The following CFAP61 variants were observed in gnomAD, a reference collection of about 807,000 sequenced individuals.
The protein encoded by CFAP61 is cilia and flagella associated protein 61.
In CFAP61, 107 loss-of-function variants were observed where a neutral mutation model predicts 135.6. That is an observed-to-expected ratio of 0.79 (90% CI 0.67 to 0.93). The LOEUF (loss-of-function observed/expected upper bound fraction) is 0.93, where lower values mean the gene tolerates loss of function less well. CFAP61 is among the 40% of genes least tolerant of loss of function. The pLI is 0.00. For synonymous variants in CFAP61, 575 were observed against 578.5 expected, an observed-to-expected ratio of 0.99 and a Z score of 0.09; for missense variants, 1,507 against 1,556.2, an observed-to-expected ratio of 0.97 and a Z score of 0.53.
At chr20:20,222,561 G>A (rs1337151058) in intron 17 of CFAP61, among the ~76,000 whole-genome samples, 1 of 152,172 alleles carries the variant, frequency 6.6e-6, no homozygotes, top group African/African-American at 2.4e-5. Context: ...GGAAAGTTAA[G>A]TGAATCCTTC....
In CFAP61 at chr20:20,358,034, TGAG is replaced by T. The variant is rs549657218; in HGVS notation, c.3514-2172_3514-2170del. 1.1e-3 allele frequency among the ~76,000 whole-genome samples: 154 copies of T among 139,570 alleles called. 2 individuals are homozygous for T. Among genetic ancestry groups the T allele is most frequent in the Admixed American group, 0.01 (142 of 13,664 alleles). 91.6% of individuals were successfully genotyped at this position (139,570 alleles called of 152,430 possible). A position where few individuals can be genotyped will look rare whatever the true frequency, so the allele number is the denominator to read the frequency against. On this transcript the variant is annotated intron_variant, in intron 26 of 26. Transcript: ENST00000245957. ...ACAGTGTGAGGGGAGGTGGTCACACTGAGGAGAGGTGGTCATAGTGTGAGGGGA... is the reference window on the plus strand; with the variant it reads ...ACAGTGTGAGGGGAGGTGGTCACACTGAGAGGTGGTCATAGTGTGAGGGGA...
intron 2 of CFAP61, among the ~76,000 whole-genome samples, chr20:20,067,931 AG>A (rs1030295607): frequency 4.6e-5 from 7 of 151,770 alleles, no homozygotes; most frequent in Non-Finnish European, 1.0e-4. Context: ...ATGCTACAAA[AG>A]TTACTTTTTA....
chr20:20,062,932 A>G (rs1228666726), intron 2 of CFAP61, among the ~76,000 whole-genome samples: 3 of 152,192 alleles, frequency 2.0e-5, no homozygotes, highest in Admixed American at 1.3e-4. Flanking sequence ...TTCAAGTCCA[A>G]TTTTGCTGCT....
intron 14 of CFAP61, among the ~76,000 whole-genome samples, chr20:20,189,654 A>G (rs1217369704): frequency 1.3e-5 from 2 of 152,218 alleles, no homozygotes; most frequent in East Asian, 3.8e-4. Context: ...CAGAATGACT[A>G]AAACAAAATA....
intron 26 of CFAP61, among the ~76,000 whole-genome samples, chr20:20,347,607 A>T (rs908287600): frequency 1.3e-5 from 2 of 152,240 alleles, no homozygotes; most frequent in African/African-American, 4.8e-5. Context: ...CCAACCAATT[A>T]CATAACCTAG....
In CFAP61 at chr20:20,120,958, T is replaced by C. The variant is rs1206429492; in HGVS notation, c.860-21899T>C. On this transcript the variant is annotated intron_variant, in intron 8 of 26. Transcript: ENST00000245957. The stretch of plus-strand genomic sequence containing the variant: ...TAATATAGCTACTACTGCTCTTTTT[T>C]GGTTTTCAGTTGCATGGAATATATT... 2.6e-5 allele frequency among the ~76,000 whole-genome samples: 4 copies of C among 152,192 alleles called. No individual in the cohort carries two copies. In the East Asian group the frequency reaches 7.7e-4, roughly 29 times the overall value.
At chr20:20,233,123 C>T (rs376914778) in intron 18 of CFAP61, among the ~76,000 whole-genome samples, 24 of 152,308 alleles carry the variant, frequency 1.6e-4, no homozygotes, top group South Asian at 1.2e-3. Context: ...CTCCTGTTAT[C>T]GGGCCGTGCA....
chr20:20,343,409 T>A (rs1265553947), intron 26 of CFAP61, among the ~76,000 whole-genome samples: 1 of 152,204 alleles, frequency 6.6e-6, no homozygotes, highest in Non-Finnish European at 1.5e-5. Context: ...CAGCAGTGGC[T>A]TAGGATCCAG....
intron 8 of CFAP61, among the ~76,000 whole-genome samples, chr20:20,115,310 T>C (rs1555870823): frequency 1.6e-5 from 2 of 122,218 alleles, no homozygotes; most frequent in Admixed American, 7.6e-5. Flanking sequence ...AGTTTATTAC[T>C]TCCAAAGAAT....
chr20:20,088,656 T>C (rs1388554376), intron 6 of CFAP61, among the ~76,000 whole-genome samples: 1 of 152,092 alleles, frequency 6.6e-6, no homozygotes, highest in African/African-American at 2.4e-5. Context: ...AGCCAAACCA[T>C]ATCAAGAGGT....
At chr20:20,216,267 G>A (rs1051577883) in intron 17 of CFAP61, among the ~76,000 whole-genome samples, 2 of 152,230 alleles carry the variant, frequency 1.3e-5, no homozygotes, top group East Asian at 1.9e-4. Flanking sequence ...GCTGACGTGC[G>A]TGTGAGAAAT....
At chr20:20,347,708 G>T (rs910747701) in intron 26 of CFAP61, among the ~76,000 whole-genome samples, 1 of 152,148 alleles carries the variant, frequency 6.6e-6, no homozygotes, top group African/African-American at 2.4e-5. Context: ...GCCAAGGTGG[G>T]CCGATCACGA....
intron 24 of CFAP61, 97 bp from the exon 25 acceptor site, chr20:20,298,084 C>T (rs1307524155): frequency 3.8e-6 from 3 of 795,422 alleles, no homozygotes; most frequent in Middle Eastern, 3.6e-4. Flanking sequence ...AAGATATAAC[C>T]TGTCTGTTAT....
intron 20 of CFAP61, among the ~76,000 whole-genome samples, chr20:20,257,597 G>A (rs1386847364): frequency 2.3e-5 from 3 of 130,638 alleles, no homozygotes; most frequent in African/African-American, 8.7e-5. Context: ...CTGGGCAACA[G>A]AGCAAGACTG....
chr20:20,099,378 C>T (rs2047838736), intron 8 of CFAP61, among the ~76,000 whole-genome samples: 1 of 152,158 alleles, frequency 6.6e-6, no homozygotes, highest in African/African-American at 2.4e-5. Flanking sequence ...ATTTTCACCA[C>T]GTTCAATTAG....
Position 20,337,276 on chromosome 20 carries a change from GGATGGATGGATGGATA to G in CFAP61, c.3423-4539_3423-4524del, listed in dbSNP as rs1241112891. ...GGATGGATGGACAGAATGGGTGGGT[GGATGGATGGATGGATA>G]GATGGATGGATGGATGGATGGATGG... On this transcript the variant is annotated intron_variant, in intron 25 of 26. Transcript: ENST00000245957. Among the ~76,000 whole-genome samples, 61 of 23,774 alleles carry G rather than the reference GGATGGATGGATGGATA, an allele frequency of 2.6e-3. 12 individuals are homozygous for G. Among genetic ancestry groups the G allele is most frequent in the East Asian group, 0.011 (2 of 174 alleles). The allele number at this position is 23,774 out of a possible 152,430, so 15.6% of individuals were successfully genotyped here. A position where few individuals can be genotyped will look rare whatever the true frequency, so the allele number is the denominator to read the frequency against.
intron 17 of CFAP61, among the ~76,000 whole-genome samples, chr20:20,208,633 G>A (rs2056966227): frequency 6.6e-6 from 1 of 152,214 alleles, no homozygotes; most frequent in Non-Finnish European, 1.5e-5. Flanking sequence ...TTCTGAAATT[G>A]GGGTCAGGGC....
chr20:20,314,444 A>G (rs1416406290), intron 25 of CFAP61, among the ~76,000 whole-genome samples: 2 of 151,130 alleles, frequency 1.3e-5, no homozygotes, highest in African/African-American at 4.8e-5. Context: ...AAGAAACCAT[A>G]AACCATAGCA....
intron 21 of CFAP61, among the ~76,000 whole-genome samples, chr20:20,270,417 A>G (rs1430751639): frequency 2.0e-5 from 3 of 152,340 alleles, no homozygotes; most frequent in Non-Finnish European, 4.4e-5. Flanking sequence ...AGCATCTACT[A>G]AAAATAATTT....
Sources: allele counts gnomAD v4.1 joint callset (sites outside exome capture counted in the v4.1 genomes callset), GRCh38; gene constraint gnomAD v4.1.1; transcripts MANE v1.5; gene names NCBI Gene and HGNC (gene_info 2026-07-23, HGNC 2026-07-21).